Variants in IRAG1 observed in about 807,000 individuals in gnomAD.
IRAG1 encodes the protein inositol 1,4,5-triphosphate receptor associated 1.
Under a neutral mutation model 106.2 loss-of-function variants are expected in IRAG1, and 62 were observed. The ratio of observed to expected loss-of-function variants is 0.58; its 90% CI spans 0.48 to 0.72. The LOEUF (loss-of-function observed/expected upper bound fraction) is 0.72, where lower values mean the gene tolerates loss of function less well. IRAG1 is among the 30% of genes least tolerant of loss of function. The pLI is 0.00. For missense variants in IRAG1, 1,064 were observed against 1,140.7 expected (o/e 0.93, Z 0.97); for synonymous variants, 462 against 443.9 (o/e 1.04, Z -0.51).
chr11:10,618,102 C>T (rs1026655828), intron 10 of IRAG1, among the ~76,000 whole-genome samples: 1 of 152,198 alleles, frequency 6.6e-6, no homozygotes, highest in African/African-American at 2.4e-5. Context: ...GCCCATCTCT[C>T]TGGGACGTGT....
intron 1 of IRAG1, among the ~76,000 whole-genome samples, chr11:10,655,545 A>G (rs1041441167): frequency 6.6e-6 from 1 of 152,192 alleles, no homozygotes; most frequent in African/African-American, 2.4e-5. Flanking sequence ...CTGTTCTTTA[A>G]GGTAGTGAGT....
intron 3 of IRAG1, among the ~76,000 whole-genome samples, chr11:10,633,725 G>A (rs1433799027): frequency 6.6e-6 from 1 of 152,230 alleles, no homozygotes; most frequent in Admixed American, 6.5e-5. Flanking sequence ...GGAGGAGGCT[G>A]CAAATGGGCT....
chr11:10,576,584 GA>G lies in IRAG1; in HGVS notation c.2496-10del, dbSNP rs574250372. On this transcript the variant is annotated splice_polypyrimidine_tract_variant and intron_variant, in intron 20 of 20. Coordinates refer to ENST00000423302, the MANE Select transcript of IRAG1 (RefSeq NM_130385.4). ...CCAATTCTTCAAGTTTGCTGTCAAT[GA>G]AAAAAAATATGCAGAGGCTTTAGTA... The G allele has an allele frequency of 1.2e-5, 19 of 1,611,250 alleles. No individual in the cohort carries two copies. The highest frequency in any genetic ancestry group is 7.7e-5 in the South Asian group (7 of 90,926).
rs1031312554 is a variant in IRAG1, at chr11:10,647,515, T to G, written c.225+4510A>C. ...GTGATATGAAGAGGTGAAGTCTGCTTATGAGTTCACACTGACCTGCCCCTG... is the reference window on the plus strand; with the variant it reads ...GTGATATGAAGAGGTGAAGTCTGCTGATGAGTTCACACTGACCTGCCCCTG... On this transcript the variant is annotated intron_variant, in intron 2 of 20. Coordinates refer to ENST00000423302, the MANE Select transcript of IRAG1 (RefSeq NM_130385.4). The surrounding 1 kb of genome is among the most constrained non-coding windows in gnomAD (Gnocchi z 4.3). 2.0e-5 allele frequency among the ~76,000 whole-genome samples: 3 copies of G among 152,140 alleles called. No individual in the cohort carries two copies. The highest frequency in any genetic ancestry group is 1.5e-5 in the Non-Finnish European group (1 of 68,000).
chr11:10,592,075 A>G (rs1343155136), intron 17 of IRAG1, among the ~76,000 whole-genome samples: 2 of 152,224 alleles, frequency 1.3e-5, no homozygotes, highest in Non-Finnish European at 2.9e-5. Context: ...AGCTCAAACC[A>G]TCAGAAATTT....
At chr11:10,650,085 T>G (rs1476764998) in intron 2 of IRAG1, among the ~76,000 whole-genome samples, 2 of 152,224 alleles carry the variant, frequency 1.3e-5, no homozygotes, top group East Asian at 3.8e-4. Context: ...ATGATTACAT[T>G]TGTTTTCTTA....
intron 3 of IRAG1, among the ~76,000 whole-genome samples, chr11:10,632,377 G>T (rs1856772556): frequency 2.0e-5 from 3 of 151,852 alleles, no homozygotes; most frequent in African/African-American, 7.3e-5. Flanking sequence ...GTGGAGATGG[G>T]GTTTCACCAT....
intron 18 of IRAG1, among the ~76,000 whole-genome samples, chr11:10,585,351 G>A (rs188197033): frequency 6.6e-6 from 1 of 152,154 alleles, no homozygotes; most frequent in Non-Finnish European, 1.5e-5. Flanking sequence ...GATAAGAAGA[G>A]CTAAACATTA....
intron 1 of IRAG1, 76 bp from the exon 2 acceptor site, chr11:10,652,258 C>T (rs767619301): frequency 3.8e-6 from 6 of 1,579,728 alleles, no homozygotes; most frequent in Non-Finnish European, 5.2e-6. Flanking sequence ...CCCGGAGCCA[C>T]AAGCCACAGT....
intron 1 of IRAG1, among the ~76,000 whole-genome samples, chr11:10,661,966 C>T (rs1859439485): frequency 6.6e-6 from 1 of 152,134 alleles, no homozygotes; most frequent in African/African-American, 2.4e-5. Context: ...AGAGACTCTG[C>T]CTTATTCATA....
At chr11:10,631,168 C>T (rs1856663584) in intron 4 of IRAG1, among the ~76,000 whole-genome samples, 2 of 152,320 alleles carry the variant, frequency 1.3e-5, no homozygotes, top group South Asian at 4.1e-4. Context: ...CCAGCACTAC[C>T]TGAAATCACA....
At position 10,693,629 on chromosome 11, in the gene IRAG1, G is replaced by A. The variant is rs138018867; in HGVS notation, c.-27C>T. ...TAAGGTCAATGTTACATCTGGCTCCGGAGCTCAGAGCCGAGAAGCCTCTGG... is the reference window on the plus strand; with the variant it reads ...TAAGGTCAATGTTACATCTGGCTCCAGAGCTCAGAGCCGAGAAGCCTCTGG... On this transcript the variant is annotated 5_prime_UTR_variant, in exon 1 of 21. Transcript: ENST00000423302. The A allele has an allele frequency of 2.8e-5, 43 of 1,534,170 alleles. No individual in the cohort carries two copies. Among genetic ancestry groups the A allele is most frequent in the African/African-American group, 2.7e-4 (20 of 73,124 alleles).
At chr11:10,627,210 C>A (rs1856311571) in intron 8 of IRAG1, among the ~76,000 whole-genome samples, 1 of 152,136 alleles carries the variant, frequency 6.6e-6, no homozygotes, top group East Asian at 1.9e-4. Context: ...TGAGACTCTT[C>A]CAGAGGACTG....
chr11:10,686,332 AAACTTTGGAGAGCCAT>A (rs1377928601), intron 1 of IRAG1, among the ~76,000 whole-genome samples: 1 of 152,198 alleles, frequency 6.6e-6, no homozygotes, highest in Non-Finnish European at 1.5e-5. Context: ...TTTAGGGCAC[AAACTTTGGAGAGCCAT>A]AGAAAGTGAC....
intron 2 of IRAG1, among the ~76,000 whole-genome samples, chr11:10,638,530 G>A (rs1857299592): frequency 6.6e-6 from 1 of 152,202 alleles, no homozygotes; most frequent in Admixed American, 6.5e-5. Context: ...TAGCATGCGC[G>A]GGCTTCTTTC....
At position 10,623,953 on chromosome 11, in the gene IRAG1, G is replaced by A. The variant is rs191263964; in HGVS notation, c.1369-97C>T. Reference sequence around the variant, plus strand: ...TATGGTTCTGCGACCACTATCTTAGGTGGGAAAGCGGGGCAGCCTGAGAGG... The same window carrying A: ...TATGGTTCTGCGACCACTATCTTAGATGGGAAAGCGGGGCAGCCTGAGAGG... On this transcript the variant is annotated intron_variant, in intron 9 of 20. Transcript: ENST00000423302. 1.1e-5 allele frequency: 13 copies of A among 1,174,546 alleles called. No individual in the cohort carries two copies. In the African/African-American group the frequency reaches 2.0e-4, roughly 18 times the overall value. The allele number at this position is 1,174,546 out of a possible 1,614,324, so 72.8% of individuals were successfully genotyped here.
intron 10 of IRAG1, 53 bp downstream of exon 10, chr11:10,623,725 G>C: frequency 6.6e-7 from 1 of 1,525,906 alleles, no homozygotes; most frequent in Non-Finnish European, 9.1e-7. Flanking sequence ...TCCTTGATCT[G>C]GCACAGACAA....
intron 1 of IRAG1, among the ~76,000 whole-genome samples, chr11:10,678,482 G>A (rs1359320867): frequency 6.6e-6 from 1 of 152,106 alleles, no homozygotes; most frequent in Non-Finnish European, 1.5e-5. Context: ...AGGAGGAAAC[G>A]ATTACGTCTG....
chr11:10,587,069 G>A (rs535524621), intron 18 of IRAG1, among the ~76,000 whole-genome samples: 17 of 152,302 alleles, frequency 1.1e-4, no homozygotes, highest in South Asian at 4.2e-4. Flanking sequence ...TTTCTGGCCC[G>A]AAGGCTCATG....
Sources: gnomAD v4.1 joint callset for allele counts (sites outside exome capture counted in the v4.1 genomes callset) on GRCh38, gnomAD v4.1.1 for gene constraint, Gnocchi (gnomAD v3.1) non-coding constraint, MANE v1.5 for transcripts, NCBI Gene and HGNC (gene_info 2026-07-23, HGNC 2026-07-21) for gene names.